The following CNIH3 variants were observed in gnomAD, a reference collection of about 807,000 sequenced individuals.
CNIH3 encodes the protein protein cornichon homolog 3.
CNIH3 carries 14 observed loss-of-function variants against 24.1 expected under a neutral mutation model. The observed-to-expected ratio is 0.58, with a 90% CI of 0.38 to 0.91. The LOEUF (loss-of-function observed/expected upper bound fraction) is 0.91, where lower values mean the gene tolerates loss of function less well. Ranked by LOEUF, CNIH3 falls within the 40% of genes least tolerant of loss-of-function variation. CNIH3 has a pLI of 0.00. For missense variants in CNIH3, 178 were observed against 196.8 expected (o/e 0.90, Z 0.57); for synonymous variants, 68 against 73.8 (o/e 0.92, Z 0.40).
intron 4 of CNIH3, among the ~76,000 whole-genome samples, chr1:224,570,208 C>T (rs1251434161): frequency 6.6e-6 from 1 of 152,108 alleles, no homozygotes; most frequent in Non-Finnish European, 1.5e-5. Flanking sequence ...GGTACGTGTG[C>T]AAGTTTGTTC....
intron 3 of CNIH3, among the ~76,000 whole-genome samples, chr1:224,691,511 G>T (rs1686931240): frequency 1.3e-5 from 2 of 152,228 alleles, no homozygotes; most frequent in African/African-American, 4.8e-5. Flanking sequence ...CAATGCACTG[G>T]TTCAAGGAGG....
At chr1:224,702,716 G>T (rs1687567118) in intron 3 of CNIH3, among the ~76,000 whole-genome samples, 1 of 152,190 alleles carries the variant, frequency 6.6e-6, no homozygotes, top group Non-Finnish European at 1.5e-5. Context: ...TCACCTGATT[G>T]GTCAAGGGGG....
At chr1:224,445,433 G>A (rs774225287) in intron 1 of CNIH3, among the ~76,000 whole-genome samples, 9 of 151,736 alleles carry the variant, frequency 5.9e-5, no homozygotes, top group African/African-American at 1.7e-4. Context: ...AAAATTAGCC[G>A]GGCGTGGTGG....
At chr1:224,667,207 C>T (rs774513126) in intron 1 of CNIH3, among the ~76,000 whole-genome samples, 18 of 152,128 alleles carry the variant, frequency 1.2e-4, no homozygotes, top group South Asian at 2.1e-4. Flanking sequence ...TTAGAATCCT[C>T]GAATTTCATA....
rs184205692 is a variant in CNIH3 at position 224,579,756 on chromosome 1, T to C, written n.517-3408T>C. Among the ~76,000 whole-genome samples, 395 of 152,090 alleles carry C rather than the reference T, an allele frequency of 2.6e-3. 4 individuals are homozygous for C. Among genetic ancestry groups the C allele is most frequent in the East Asian group, 0.019 (96 of 5,168 alleles). ...GGTTGTTAAAAAGAGCCTGGAACTT[T>C]CCCCCCCTCTCTCTTTCTTCCTCTC... is the stretch of plus-strand genomic sequence containing the variant. On this transcript the variant is annotated intron_variant and non_coding_transcript_variant, in intron 4 of 5. Coordinates refer to the CNIH3 transcript ENST00000471578.
chr1:224,471,804 C>T (rs1365499165), intron 1 of CNIH3, among the ~76,000 whole-genome samples: 1 of 152,094 alleles, frequency 6.6e-6, no homozygotes. Context: ...CTTGGCCAGG[C>T]TGGTCTTGAA....
At chr1:224,494,143 A>G (rs139657114) in intron 1 of CNIH3, among the ~76,000 whole-genome samples, 127 of 152,364 alleles carry the variant, frequency 8.3e-4, no homozygotes, top group South Asian at 2.7e-3. Context: ...CTGTGGTAAT[A>G]TAATTTCTGA....
At chr1:224,479,343 G>A (rs532070896) in intron 1 of CNIH3, among the ~76,000 whole-genome samples, 13 of 151,982 alleles carry the variant, frequency 8.6e-5, no homozygotes, top group South Asian at 2.1e-4. Context: ...TAGTAGAGAC[G>A]GAGTTTCTCC....
At chr1:224,463,467 C>T (rs921531979) in intron 1 of CNIH3, among the ~76,000 whole-genome samples, 62 of 150,250 alleles carry the variant, frequency 4.1e-4, no homozygotes, top group Middle Eastern at 3.5e-3. Context: ...GGAGTGCAAT[C>T]GCACGGTCTC....
At chr1:224,451,531 C>CA (rs2102965051) in intron 1 of CNIH3, among the ~76,000 whole-genome samples, 1 of 152,320 alleles carries the variant, frequency 6.6e-6, no homozygotes, top group African/African-American at 2.4e-5. Context: ...TGCTATGGCA[C>CA]AATGATCTAG....
upstream of CNIH3, chr1:224,513,654 G>T (rs1234189248): frequency 2.6e-5 from 4 of 152,184 alleles, no homozygotes; most frequent in East Asian, 7.7e-4. Context: ...ATTTTCCCCC[G>T]GGTTCTGCTG....
Position 224,585,232 on chromosome 1 carries a change from C to A in CNIH3, n.620+1965C>A, listed in dbSNP as rs1178402345. ...CCGTTTCCCTAGATCGAATCCTACT[C>A]GCTTATTTTTCCAGGCCTGTCTTAA... On this transcript the variant is annotated intron_variant and non_coding_transcript_variant, in intron 5 of 5. Coordinates refer to the CNIH3 transcript ENST00000471578. Among the ~76,000 whole-genome samples, 3 of 152,164 alleles carry A rather than the reference C, an allele frequency of 2.0e-5. No homozygotes were observed. The East Asian group carries it at 5.8e-4, about 29-fold the overall frequency.
chr1:224,576,033 A>T (rs1681022243), intron 4 of CNIH3, among the ~76,000 whole-genome samples: 1 of 152,330 alleles, frequency 6.6e-6, no homozygotes, highest in African/African-American at 2.4e-5. Context: ...GGTAACATTT[A>T]TGGGAAACTG....
At chr1:224,495,903 C>A (rs188030952) in intron 1 of CNIH3, among the ~76,000 whole-genome samples, 10 of 152,276 alleles carry the variant, frequency 6.6e-5, no homozygotes, top group South Asian at 2.1e-4. Context: ...AGCCTGTGAA[C>A]ACAGTGAGAC....
At chr1:224,600,736 C>T (rs993647506) in intron 3 of CNIH3, among the ~76,000 whole-genome samples, 1 of 152,132 alleles carries the variant, frequency 6.6e-6, no homozygotes, top group Non-Finnish European at 1.5e-5. Context: ...ATGCTGAATA[C>T]CCAACCACCG....
chr1:224,614,647 T>TA (rs557133058), upstream of CNIH3, among the ~76,000 whole-genome samples: 9 of 147,568 alleles, frequency 6.1e-5, no homozygotes, highest in African/African-American at 2.0e-4. Context: ...TTCAAAAAAA[T>TA]AAAATAAAAT....
At chr1:224,542,258 A>C (rs1679539584), downstream of CNIH3, among the ~76,000 whole-genome samples, 1 of 152,220 alleles carries the variant, frequency 6.6e-6, no homozygotes, top group Non-Finnish European at 1.5e-5. Context: ...GTAGGAAGCA[A>C]CATTTGGGGT....
chr1:224,501,525 A>ATT (rs199941125), intron 1 of CNIH3, among the ~76,000 whole-genome samples: 36 of 92,802 alleles, frequency 3.9e-4, no homozygotes, highest in African/African-American at 1.1e-3. Flanking sequence ...ATATATATAT[A>ATT]TTTTTTTTTT....
chr1:224,602,351 G>C lies in CNIH3; in HGVS notation n.402+36087G>C, dbSNP rs927418436. ...ACATGCTGTATAGCAACATTTCAAA[G>C]GTTACTTCTATAATATTTTAAATTG... is the stretch of plus-strand genomic sequence containing the variant. On this transcript the variant is annotated intron_variant and non_coding_transcript_variant, in intron 3 of 7. Coordinates refer to the CNIH3 transcript ENST00000478120. 2.6e-5 allele frequency among the ~76,000 whole-genome samples: 4 copies of C among 152,120 alleles called. No individual in the cohort carries two copies. In the East Asian group the frequency reaches 7.7e-4, roughly 29 times the overall value.
Sources: gnomAD v4.1 joint callset for allele counts (sites outside exome capture counted in the v4.1 genomes callset) on GRCh38, gnomAD v4.1.1 for gene constraint, MANE v1.5 for transcripts, NCBI Gene and HGNC (gene_info 2026-07-23, HGNC 2026-07-21) for gene names.